Variants in FBXL17 observed in about 807,000 individuals in gnomAD.
FBXL17 encodes F-box/LRR-repeat protein 17.
In FBXL17, 22 loss-of-function variants were observed where a neutral mutation model predicts 66.2. The ratio of observed to expected loss-of-function variants is 0.33; its 90% CI spans 0.24 to 0.47. The LOEUF is 0.47. Ranked by LOEUF, FBXL17 falls within the 20% of genes least tolerant of loss-of-function variation. FBXL17 has a pLI of 1.00. For synonymous variants in FBXL17, 474 were observed against 400.5 expected, an observed-to-expected ratio of 1.18 and a Z score of -2.19; for missense variants, 878 against 948.2, an observed-to-expected ratio of 0.93 and a Z score of 0.97.
chr5:108,359,287 G>T (rs949697178), intron 3 of FBXL17, among the ~76,000 whole-genome samples: 13 of 151,842 alleles, frequency 8.6e-5, no homozygotes, highest in African/African-American at 3.1e-4. Context: ...TTTTTCCATA[G>T]CTTTTCTGTC....
At chr5:108,367,241 C>T (rs191737850) in intron 2 of FBXL17, among the ~76,000 whole-genome samples, 4 of 152,096 alleles carry the variant, frequency 2.6e-5, no homozygotes, top group Admixed American at 1.3e-4. Flanking sequence ...GCAACAAACA[C>T]TACAAACTCT....
chr5:108,252,950 T>C (rs1181924798), intron 4 of FBXL17, among the ~76,000 whole-genome samples: 1 of 152,208 alleles, frequency 6.6e-6, no homozygotes, highest in African/African-American at 2.4e-5. Context: ...GTGAAGATGT[T>C]CTGAGGCCCC....
rs918154562 is a variant in FBXL17, at chr5:108,359,480, T to C, written c.1374+5258A>G. Among the ~76,000 whole-genome samples the C allele has an allele frequency of 2.0e-5, 3 of 152,316 alleles. No homozygotes were observed. In the South Asian group the frequency reaches 6.2e-4, roughly 32 times the overall value. On this transcript the variant is annotated intron_variant, in intron 3 of 8. Coordinates refer to ENST00000542267, the MANE Select transcript of FBXL17 (RefSeq NM_001163315.3). The stretch of plus-strand genomic sequence containing the variant: ...CTGCTTTTGCTACATCCCTTGAGTT[T>C]TGGAACGCTGTGTTTTCATTCTCAC...
chr5:108,080,529 T>C (rs1247191433), intron 6 of FBXL17, among the ~76,000 whole-genome samples: 1 of 152,142 alleles, frequency 6.6e-6, no homozygotes, highest in African/African-American at 2.4e-5. Flanking sequence ...TTGAGCCAAG[T>C]ATGAGTGACC....
chr5:108,131,281 A>G (rs1318482428), intron 6 of FBXL17, among the ~76,000 whole-genome samples: 1 of 152,158 alleles, frequency 6.6e-6, no homozygotes, highest in Non-Finnish European at 1.5e-5. Context: ...TCTCTTATAA[A>G]TAAATCTGTG....
chr5:108,349,004 C>T (rs1339008218), intron 3 of FBXL17, among the ~76,000 whole-genome samples: 7 of 152,158 alleles, frequency 4.6e-5, no homozygotes, highest in African/African-American at 1.4e-4. Context: ...TAGGGTCTCG[C>T]TATGTTACCC....
At chr5:108,241,133 T>C (rs1397808000) in intron 4 of FBXL17, among the ~76,000 whole-genome samples, 3 of 152,124 alleles carry the variant, frequency 2.0e-5, no homozygotes, top group African/African-American at 4.8e-5. Flanking sequence ...CTGGAAAATA[T>C]GACATTACCA....
chr5:107,972,909 A>C (rs1333755053), intron 7 of FBXL17, among the ~76,000 whole-genome samples: 1 of 152,162 alleles, frequency 6.6e-6, no homozygotes, highest in Non-Finnish European at 1.5e-5. Context: ...TAATTCCCTA[A>C]ATCCCAGTAT....
At chr5:108,242,450 A>T (rs182688953) in intron 4 of FBXL17, among the ~76,000 whole-genome samples, 1 of 151,768 alleles carries the variant, frequency 6.6e-6, no homozygotes, top group Non-Finnish European at 1.5e-5. Flanking sequence ...TCAAAGTCCT[A>T]ATCTCAAGCA....
chr5:108,152,336 T>A (rs557464846), intron 6 of FBXL17, among the ~76,000 whole-genome samples: 1 of 152,252 alleles, frequency 6.6e-6, no homozygotes, highest in African/African-American at 2.4e-5. Flanking sequence ...ACTGGTGGAG[T>A]CCCCCACTTG....
intron 6 of FBXL17, among the ~76,000 whole-genome samples, chr5:108,112,532 C>T (rs1385482984): frequency 6.6e-6 from 1 of 152,100 alleles, no homozygotes; most frequent in South Asian, 2.1e-4. Flanking sequence ...TACCAAACAT[C>T]GTCATATTCA....
intron 4 of FBXL17, among the ~76,000 whole-genome samples, chr5:108,243,239 T>G (rs1005363688): frequency 6.6e-6 from 1 of 152,200 alleles, no homozygotes; most frequent in Non-Finnish European, 1.5e-5. Flanking sequence ...ATAAGTTAAA[T>G]ACGACCTAAC....
chr5:108,258,986 T>C (rs1285362317), intron 4 of FBXL17, among the ~76,000 whole-genome samples: 1 of 152,116 alleles, frequency 6.6e-6, no homozygotes, highest in Non-Finnish European at 1.5e-5. Flanking sequence ...TCCAAGGCAG[T>C]CTATAGATCA....
chr5:108,294,461 A>G (rs1758262815), intron 4 of FBXL17, among the ~76,000 whole-genome samples: 1 of 151,910 alleles, frequency 6.6e-6, no homozygotes, highest in Non-Finnish European at 1.5e-5. Flanking sequence ...TAATATTAAC[A>G]TTATTCAGTG....
At chr5:108,198,595 G>A (rs2150046471) in intron 5 of FBXL17, among the ~76,000 whole-genome samples, 1 of 152,196 alleles carries the variant, frequency 6.6e-6, no homozygotes, top group East Asian at 1.9e-4. Flanking sequence ...ATTTTAAAGG[G>A]CAAGTAAGGA....
chr5:107,899,993 A>G (rs1749518379), intron 7 of FBXL17, among the ~76,000 whole-genome samples: 1 of 152,198 alleles, frequency 6.6e-6, no homozygotes, highest in Non-Finnish European at 1.5e-5. Flanking sequence ...AAATAGTCTC[A>G]AGAAATAGTT....
intron 4 of FBXL17, among the ~76,000 whole-genome samples, chr5:108,329,953 A>G (rs1760042669): frequency 6.6e-6 from 1 of 152,106 alleles, no homozygotes; most frequent in Non-Finnish European, 1.5e-5. Flanking sequence ...GTTAAAAGTT[A>G]CTATAAAATC....
chr5:107,903,031 A>T (rs1358922822), intron 7 of FBXL17, among the ~76,000 whole-genome samples: 1 of 152,164 alleles, frequency 6.6e-6, no homozygotes, highest in African/African-American at 2.4e-5. Flanking sequence ...TGTGTATTTC[A>T]TCAACCTCTA....
intron 6 of FBXL17, among the ~76,000 whole-genome samples, chr5:108,086,443 C>T (rs1412464862): frequency 2.0e-5 from 3 of 152,146 alleles, no homozygotes; most frequent in African/African-American, 7.2e-5. Context: ...ACAGTTTTCC[C>T]TGGGTTTGTG....
Sources: gnomAD v4.1 joint callset for allele counts (sites outside exome capture counted in the v4.1 genomes callset) on GRCh38, gnomAD v4.1.1 for gene constraint, MANE v1.5 for transcripts, NCBI Gene and HGNC (gene_info 2026-07-23, HGNC 2026-07-21) for gene names.